SCRN1: variants seen among roughly 807,000 people sequenced by gnomAD.
The protein encoded by SCRN1 is secernin-1.
In SCRN1, 19 loss-of-function variants were observed where a neutral mutation model predicts 43.3. The ratio of observed to expected loss-of-function variants is 0.44; its 90% CI spans 0.31 to 0.64. The LOEUF (loss-of-function observed/expected upper bound fraction) is 0.64. Ranked by LOEUF, SCRN1 falls within the 30% of genes least tolerant of loss-of-function variation. The pLI, the probability that SCRN1 is intolerant of heterozygous loss-of-function variation, is 0.09. For missense variants in SCRN1, 447 were observed against 524.1 expected, an observed-to-expected ratio of 0.85 and a Z score of 1.44; for synonymous variants, 183 against 188.9, an observed-to-expected ratio of 0.97 and a Z score of 0.26.
At position 29,922,867 on chromosome 7, in the gene SCRN1, T is replaced by A. The variant is rs76866095; in HGVS notation, c.*1090A>T. The A allele has an allele frequency of 0.021, 3,225 of 152,366 alleles. 46 individuals are homozygous for A. The highest frequency in any genetic ancestry group is 0.059 in the South Asian group (286 of 4,832). The allele number at this position is 152,366 out of a possible 1,614,324, so 9.4% of individuals were successfully genotyped here. ...GCCCATCTGGTCTTCCTTGCATGCT[T>A]TTCTATGCTCTGGTGGTAAGTCAAA... On this transcript the variant is annotated 3_prime_UTR_variant, in exon 8 of 8. Transcript: ENST00000242059.
chr7:29,989,917 G>A (rs1453230820), upstream of SCRN1: 24 of 1,163,748 alleles, frequency 2.1e-5, no homozygotes, highest in African/African-American at 3.4e-4. Flanking sequence ...CGCGCGTCTG[G>A]CTGCACGGGC....
In SCRN1 at chr7:29,955,177, A is replaced by G; in HGVS notation, c.341+2T>C. On this transcript the variant is annotated splice_donor_variant, in intron 3 of 7. Coordinates refer to ENST00000242059, the MANE Select transcript of SCRN1 (RefSeq NM_014766.5). LOFTEE classifies it high-confidence loss of function. ...TTGTTTCAAAGAATCACCATGCAGT[A>G]CCTGACCAGATCCATCCCCAGCAAG... The G allele has an allele frequency of 6.2e-7, 1 of 1,613,722 alleles. No homozygotes were observed. Among genetic ancestry groups the G allele is most frequent in the Non-Finnish European group, 8.5e-7 (1 of 1,179,796 alleles).
At chr7:29,937,845 T>C (rs1787393840) in intron 5 of SCRN1, among the ~76,000 whole-genome samples, 1 of 152,246 alleles carries the variant, frequency 6.6e-6, no homozygotes, top group South Asian at 2.1e-4. Flanking sequence ...GAGAGGTTTG[T>C]TGGCACATTC....
chr7:29,977,794 G>T (rs753980624), intron 1 of SCRN1, among the ~76,000 whole-genome samples: 2 of 152,204 alleles, frequency 1.3e-5, no homozygotes, highest in African/African-American at 4.8e-5. Context: ...ATAAAAAAGG[G>T]ATAATGATAG....
intron 1 of SCRN1, among the ~76,000 whole-genome samples, chr7:29,979,489 A>G (rs980509165): frequency 6.6e-6 from 1 of 152,260 alleles, no homozygotes; most frequent in Admixed American, 6.5e-5. Flanking sequence ...GTAGGTACGC[A>G]ATGACAATAG....
intron 3 of SCRN1, among the ~76,000 whole-genome samples, chr7:29,948,178 G>A (rs1169095543): frequency 6.6e-6 from 1 of 152,310 alleles, no homozygotes; most frequent in Admixed American, 6.5e-5. Flanking sequence ...GAAGTAAAAT[G>A]TGCTCCACTA....
chr7:29,984,918 CAA>C (rs748869830), intron 1 of SCRN1, among the ~76,000 whole-genome samples: 20 of 55,530 alleles, frequency 3.6e-4, no homozygotes, highest in Admixed American at 4.1e-4. Context: ...GACTCTGTCT[CAA>C]AAAAAAAAAA....
At chr7:29,988,017 CG>C (rs1424942411) in intron 1 of SCRN1, among the ~76,000 whole-genome samples, 1 of 151,516 alleles carries the variant, frequency 6.6e-6, no homozygotes, top group Admixed American at 6.6e-5. Context: ...GCTGGCAGCA[CG>C]GAAGTGAAAA....
At chr7:29,956,441 A>G (rs1448982278) in intron 2 of SCRN1, among the ~76,000 whole-genome samples, 3 of 152,254 alleles carry the variant, frequency 2.0e-5, no homozygotes, top group Non-Finnish European at 1.5e-5. Flanking sequence ...CTCTCAAGGG[A>G]GAATTTTATC....
intron 5 of SCRN1, among the ~76,000 whole-genome samples, chr7:29,938,182 C>G (rs1787405801): frequency 6.6e-6 from 1 of 152,202 alleles, no homozygotes; most frequent in African/African-American, 2.4e-5. Flanking sequence ...GCATGCACCA[C>G]CACGCCCAGT....
chr7:29,951,412 G>A (rs1250755320), intron 3 of SCRN1, among the ~76,000 whole-genome samples: 1 of 152,178 alleles, frequency 6.6e-6, no homozygotes, highest in Non-Finnish European at 1.5e-5. Context: ...GCCAAGTGGT[G>A]GAACAAGCCC....
chr7:29,955,030 T>G, intron 3 of SCRN1, 149 bp downstream of exon 3: 1 of 668,892 alleles, frequency 1.5e-6, no homozygotes, highest in Non-Finnish European at 2.5e-6. Flanking sequence ...ATCCACTCAT[T>G]TATCTCATCA....
At chr7:29,928,728 AC>A (rs1357453074) in intron 6 of SCRN1, among the ~76,000 whole-genome samples, 2 of 152,180 alleles carry the variant, frequency 1.3e-5, no homozygotes, top group African/African-American at 4.8e-5. Context: ...TAGGGGAGCT[AC>A]CCTTGCACAG....
At chr7:29,967,880 C>T (rs1020806870) in intron 2 of SCRN1, among the ~76,000 whole-genome samples, 2 of 152,042 alleles carry the variant, frequency 1.3e-5, no homozygotes, top group African/African-American at 4.8e-5. Context: ...CATAAAATAG[C>T]CATCGTGAAA....
intron 5 of SCRN1, 118 bp from the exon 6 acceptor site, chr7:29,936,839 G>A: frequency 1.5e-6 from 1 of 682,166 alleles, no homozygotes; most frequent in Non-Finnish European, 2.2e-6. Context: ...GAGGTCAGGA[G>A]ATCGCGACCA....
chr7:29,979,055 T>C (rs767072997), intron 1 of SCRN1, among the ~76,000 whole-genome samples: 4 of 152,204 alleles, frequency 2.6e-5, no homozygotes, highest in Admixed American at 6.6e-5. Flanking sequence ...ATATGATGTT[T>C]CCCAATTTTT....
chr7:29,950,375 G>A lies in SCRN1; in HGVS notation c.341+4804C>T, dbSNP rs901173707. ...AGGAGGGAGGCTGGGAGGGCTGAGG[G>A]CAGCTCAGTGTGGGCCTGCCAGTGC... On this transcript the variant is annotated intron_variant, in intron 3 of 7. Transcript: ENST00000242059. The surrounding 1 kb of genome is among the most constrained non-coding windows in gnomAD (Gnocchi z 4.5). 6.6e-6 allele frequency among the ~76,000 whole-genome samples: 1 copy of A among 152,206 alleles called. No homozygotes were observed. The highest frequency in any genetic ancestry group is 2.4e-5 in the African/African-American group (1 of 41,452).
chr7:29,987,225 T>G (rs1256137397), intron 1 of SCRN1, among the ~76,000 whole-genome samples: 5 of 152,184 alleles, frequency 3.3e-5, no homozygotes, highest in Admixed American at 3.3e-4. Context: ...CTTCACCACC[T>G]CTTCACACTA....
At chr7:29,983,988 T>C (rs558199070) in intron 1 of SCRN1, among the ~76,000 whole-genome samples, 1 of 152,154 alleles carries the variant, frequency 6.6e-6, no homozygotes, top group Non-Finnish European at 1.5e-5. Flanking sequence ...GTTGGATCCC[T>C]TGAGGCCACG....
Sources: allele counts gnomAD v4.1 joint callset (sites outside exome capture counted in the v4.1 genomes callset), GRCh38; gene constraint gnomAD v4.1.1; non-coding constraint Gnocchi (gnomAD v3.1); transcripts MANE v1.5; gene names NCBI Gene and HGNC (gene_info 2026-07-23, HGNC 2026-07-21).